The following CHD6 variants were observed in gnomAD, a reference collection of about 807,000 sequenced individuals.
CHD6 encodes ATP-dependent chromatin remodeler CHD6.
Under a neutral mutation model 276.9 loss-of-function variants are expected in CHD6, and 50 were observed. The ratio of observed to expected loss-of-function variants is 0.18; its 90% confidence interval spans 0.14 to 0.23. The LOEUF (loss-of-function observed/expected upper bound fraction) is 0.23, where lower values mean the gene tolerates loss of function less well. CHD6 is among the 10% of genes least tolerant of loss of function. The pLI is 1.00. For missense variants in CHD6, 2,564 were observed against 3,365.8 expected (o/e 0.76, Z 5.89); for synonymous variants, 1,173 against 1,229.3 (o/e 0.95, Z 0.96).
chr20:41,596,797 C>A (rs537716084), intron 1 of CHD6, among the ~76,000 whole-genome samples: 14 of 152,232 alleles, frequency 9.2e-5, no homozygotes, highest in Middle Eastern at 3.4e-3. Context: ...GATGTGAAAG[C>A]TCCATTTTGT....
rs779601538 is a variant in CHD6 at position 41,425,309 on chromosome 20, G to A, written c.4215C>T (p.Tyr1405=). ...ACAGTTCCTTGCGGTTGCAGCGCTGGTAAACAGTGACCAGACGTCTGAGAC... is the reference window on the plus strand; with the variant it reads ...ACAGTTCCTTGCGGTTGCAGCGCTGATAAACAGTGACCAGACGTCTGAGAC... ...TARLRRLVTV[Y]QRCNRKELCR... The change falls in exon 29 of 37, where the codon TAC becomes TAT. Residue 1405 remains tyrosine (Y), a synonymous_variant. Transcript: ENST00000373233. 6 of 1,614,204 alleles carry A rather than the reference G, an allele frequency of 3.7e-6. No homozygotes were observed. The highest frequency in any genetic ancestry group is 4.5e-5 in the East Asian group (2 of 44,884).
intron 2 of CHD6, 81 bp from the exon 3 acceptor site, chr20:41,533,651 G>T: frequency 1.6e-6 from 2 of 1,268,366 alleles, no homozygotes; most frequent in South Asian, 1.5e-5. Flanking sequence ...TGAATACATG[G>T]ATTTGCTCAA....
At chr20:41,529,623 G>GT (rs1388575847) in intron 3 of CHD6, among the ~76,000 whole-genome samples, 1 of 152,180 alleles carries the variant, frequency 6.6e-6, no homozygotes, top group Non-Finnish European at 1.5e-5. Flanking sequence ...TGAGAGAAGG[G>GT]TAAGAGCTGG....
intron 25 of CHD6, among the ~76,000 whole-genome samples, chr20:41,444,727 C>T (rs2048011378): frequency 6.6e-6 from 1 of 151,934 alleles, no homozygotes; most frequent in Admixed American, 6.6e-5. Flanking sequence ...TATTATGTAC[C>T]AAGCACTGTT....
At chr20:41,422,427 C>G (rs2047224332) in intron 30 of CHD6, among the ~76,000 whole-genome samples, 1 of 152,022 alleles carries the variant, frequency 6.6e-6, no homozygotes, top group African/African-American at 2.4e-5. Flanking sequence ...TCACTTGAGG[C>G]CAGGAGTTCA....
intron 2 of CHD6, among the ~76,000 whole-genome samples, chr20:41,535,870 A>G (rs2044819718): frequency 6.6e-6 from 1 of 152,192 alleles, no homozygotes; most frequent in Non-Finnish European, 1.5e-5. Flanking sequence ...AATCTCTTAA[A>G]AATAAAAATA....
chr20:41,438,712 G>A (rs1397099563), intron 26 of CHD6, among the ~76,000 whole-genome samples: 1 of 152,154 alleles, frequency 6.6e-6, no homozygotes, highest in East Asian at 1.9e-4. Context: ...ACCGTAGAAA[G>A]AAAAGCCACC....
intron 35 of CHD6, among the ~76,000 whole-genome samples, chr20:41,413,008 C>T (rs532956119): frequency 6.6e-6 from 1 of 152,272 alleles, no homozygotes; most frequent in Admixed American, 6.5e-5. Flanking sequence ...TTTATGCAAC[C>T]TAAAGATTTC....
chr20:41,456,354 CAGA>C lies in CHD6; in HGVS notation c.2830-378_2830-376del, dbSNP rs368659716. Among the ~76,000 whole-genome samples the C allele has an allele frequency of 8.4e-4, 127 of 151,366 alleles. No homozygotes were observed. The East Asian group carries it at 0.012, about 15-fold the overall frequency. ...AAAACCTCCAGATGTACCAAACAAG[CAGA>C]AGAACAATGATTTATTCATTATTAA... On this transcript the variant is annotated intron_variant, in intron 18 of 36. Coordinates refer to ENST00000373233, the MANE Select transcript of CHD6 (RefSeq NM_032221.5).
Position 41,483,438 on chromosome 20 carries a change from T to G in CHD6, c.2339A>C (p.Gln780Pro). 1 of 1,613,790 alleles carries G rather than the reference T, an allele frequency of 6.2e-7. No homozygotes were observed. Among genetic ancestry groups the G allele is most frequent in the Non-Finnish European group, 8.5e-7 (1 of 1,179,854 alleles). Residue 780 changes from glutamine to proline, a missense_variant, in exon 16 of 37, where the codon CAG becomes CCG. By Grantham distance (76) the Gln-to-Pro change is moderately conservative. This residue lies in a region of CHD6 where 457 missense variants were observed against 889.0 expected (regional missense o/e 0.51). Transcript: ENST00000373233. ...APDFQLQAMI[Q>P]AAGKLVLIDK... ...AATCAACACAAGCTTTCCTGCTGCC[T>G]GAATCATGGCCTGCAGCTGAAAGTC...
intron 27 of CHD6, among the ~76,000 whole-genome samples, chr20:41,430,962 T>G (rs1189717633): frequency 6.7e-6 from 1 of 150,056 alleles, no homozygotes; most frequent in Non-Finnish European, 1.5e-5. Flanking sequence ...GCCTCCTGAG[T>G]AGCTGGGAGT....
At chr20:41,550,377 T>C (rs1459223242) in intron 2 of CHD6, among the ~76,000 whole-genome samples, 7 of 152,224 alleles carry the variant, frequency 4.6e-5, no homozygotes, top group Non-Finnish European at 1.0e-4. Context: ...AGGCAGTATT[T>C]AGTCACTGCT....
Position 41,403,640 on chromosome 20 carries a change from T to G in CHD6, c.*953A>C. ...TCAAAGTGTTGGGCAACTGTCTTCT[T>G]GCAGGCTCCAGAAAGAACCTTATTC... On this transcript the variant is annotated 3_prime_UTR_variant, in exon 37 of 37. Transcript: ENST00000373233. 4.7e-6 allele frequency: 5 copies of G among 1,061,540 alleles called. No homozygotes were observed. The highest frequency in any genetic ancestry group is 5.7e-6 in the Non-Finnish European group (5 of 876,932). 65.8% of individuals were successfully genotyped at this position (1,061,540 alleles called of 1,614,324 possible).
chr20:41,454,532 T>C, intron 20 of CHD6, 94 bp downstream of exon 20: 1 of 938,668 alleles, frequency 1.1e-6, no homozygotes, highest in Admixed American at 2.2e-5. Flanking sequence ...GAACCAAGAC[T>C]CAAGAGTAAA....
intron 1 of CHD6, among the ~76,000 whole-genome samples, chr20:41,555,131 G>A (rs73613207): frequency 0.018 from 2,534 of 137,446 alleles, 44 homozygotes; most frequent in South Asian, 0.031. Flanking sequence ...CTCCCTCCCC[G>A]ACGGGGCGGC....
At chr20:41,613,806 C>G (rs1032312942) in intron 1 of CHD6, among the ~76,000 whole-genome samples, 1 of 152,076 alleles carries the variant, frequency 6.6e-6, no homozygotes, top group Admixed American at 6.5e-5. Flanking sequence ...AATGGATTGT[C>G]CGCCTATAAA....
chr20:41,590,159 A>T (rs964166299), intron 1 of CHD6, among the ~76,000 whole-genome samples: 3 of 152,250 alleles, frequency 2.0e-5, no homozygotes, highest in Non-Finnish European at 4.4e-5. Context: ...CTGGCTAGCC[A>T]TATGTAGAAA....
chr20:41,430,071 T>C (rs1343623843), intron 27 of CHD6, among the ~76,000 whole-genome samples: 2 of 151,984 alleles, frequency 1.3e-5, no homozygotes, highest in African/African-American at 2.4e-5. Flanking sequence ...GTGCAGGAGG[T>C]AGGGAGCAAG....
At chr20:41,423,443 G>C in intron 30 of CHD6, 49 bp downstream of exon 30, 2 of 1,552,314 alleles carry the variant, frequency 1.3e-6, no homozygotes, top group Non-Finnish European at 1.8e-6. Flanking sequence ...TTGAAAATCA[G>C]AATGTTCTTT....
Sources: allele counts gnomAD v4.1 joint callset (sites outside exome capture counted in the v4.1 genomes callset), GRCh38; gene constraint gnomAD v4.1.1; regional missense constraint gnomAD v4.1.1; transcripts MANE v1.5; gene names NCBI Gene and HGNC (gene_info 2026-07-23, HGNC 2026-07-21).